CTBP1: variants seen among roughly 807,000 people sequenced by gnomAD.
CTBP1 encodes C-terminal-binding protein 1.
In CTBP1, 11 loss-of-function variants were observed where a neutral mutation model predicts 42.1. The ratio of observed to expected loss-of-function variants is 0.26; its 90% confidence interval spans 0.16 to 0.43. The LOEUF (loss-of-function observed/expected upper bound fraction) is 0.43, where lower values mean the gene tolerates loss of function less well. Ranked by LOEUF, CTBP1 falls within the 20% of genes least tolerant of loss-of-function variation. CTBP1 has a pLI of 1.00. For missense variants in CTBP1, 399 were observed against 624.3 expected (o/e 0.64, Z 3.85); for synonymous variants, 324 against 277.1 (o/e 1.17, Z -1.68).
intron 5 of CTBP1, chr4:1,221,852 A>G (rs1729773551): frequency 2.4e-6 from 1 of 425,428 alleles, no homozygotes; most frequent in Non-Finnish European, 4.7e-6. Flanking sequence ...AAGACAGTGC[A>G]TTTTTCAGAA....
At chr4:1,244,099 C>G in intron 1 of CTBP1, 1 of 985,432 alleles carries the variant, frequency 1.0e-6, no homozygotes, top group Non-Finnish European at 1.2e-6. Flanking sequence ...TCCCGGGGGG[C>G]TGCACGGTGG....
At chr4:1,213,866 G>C in intron 7 of CTBP1, 1 of 492,550 alleles carries the variant, frequency 2.0e-6, no homozygotes, top group Non-Finnish European at 3.6e-6. Context: ...GCCCTGATGG[G>C]GGGACATGCT....
At chr4:1,214,194 G>A (rs539620701) in intron 7 of CTBP1, 149 bp downstream of exon 7, 66 of 1,061,890 alleles carry the variant, frequency 6.2e-5, no homozygotes, top group Middle Eastern at 3.2e-4. Flanking sequence ...TCCTCACCCC[G>A]CAGCGGGCGG....
intron 1 of CTBP1, chr4:1,241,785 C>T (rs868039601): frequency 2.4e-5 from 28 of 1,185,572 alleles, no homozygotes; most frequent in Middle Eastern, 3.8e-4. Flanking sequence ...GGGAACAGTC[C>T]CCCAGGGCTG....
At position 1,238,245 on chromosome 4, in the gene CTBP1, G is replaced by T; in HGVS notation, c.100C>A (p.Leu34Met). 6.2e-7 allele frequency: 1 copy of T among 1,612,720 alleles called. No homozygotes were observed. The highest frequency in any genetic ancestry group is 1.6e-4 in the Middle Eastern group (1 of 6,062). ...AAGGCCACAGTGGCCACGTCCTTCA[G>T]GATGGGCATCTCCACTGTGCAGTCC... ...GRDCTVEMPILKDVATVAFCD... is the reference protein window; with the variant it reads ...GRDCTVEMPIMKDVATVAFCD... Residue 34 changes from leucine (L) to methionine (M), a missense_variant, in exon 3 of 10, where the codon CTG (leucine) becomes ATG (methionine). By Grantham distance (15) the Leu-to-Met change is conservative. Coordinates refer to ENST00000382952, the MANE Select transcript of CTBP1 (RefSeq NM_001012614.2). The surrounding 1 kb of genome is among the most constrained non-coding windows in gnomAD (Gnocchi z 5.9).
At chr4:1,213,751 G>A in intron 7 of CTBP1, 146 bp from the exon 8 acceptor site, 1 of 1,073,522 alleles carries the variant, frequency 9.3e-7, no homozygotes, top group Non-Finnish European at 1.3e-6. Context: ...CAGGCTGGCT[G>A]AGCTCAAGAG....
In CTBP1 at chr4:1,248,983, G is replaced by C. The variant is rs773995411; in HGVS notation, c.-256C>G. 897 of 979,550 alleles carry C rather than the reference G, an allele frequency of 9.2e-4. 2 individuals carry two copies. The highest frequency in any genetic ancestry group is 9.3e-4 in the Non-Finnish European group (769 of 825,474). 60.7% of individuals were successfully genotyped at this position (979,550 alleles called of 1,614,324 possible). A position where few individuals can be genotyped will look rare whatever the true frequency, so the allele number is the denominator to read the frequency against. The stretch of plus-strand genomic sequence containing the variant: ...AGAGGCGCGAGCGGCCGCGGGCCCC[G>C]ACCACTCCGGCGCGCTGCGCCGCCG... On this transcript the variant is annotated 5_prime_UTR_variant, in exon 1 of 10. Coordinates refer to ENST00000382952, the MANE Select transcript of CTBP1 (RefSeq NM_001012614.2).
intron 1 of CTBP1, chr4:1,245,730 T>G (rs188494154): frequency 1.0e-6 from 1 of 963,628 alleles, no homozygotes; most frequent in Non-Finnish European, 1.2e-6. Context: ...CAGGTCAGGG[T>G]GGCACGTGTG....
chr4:1,224,180 C>A (rs1315004454), intron 5 of CTBP1, among the ~76,000 whole-genome samples: 2 of 152,198 alleles, frequency 1.3e-5, no homozygotes, highest in Admixed American at 1.3e-4. Flanking sequence ...CGTACGTGCC[C>A]ATGACTGACA....
intron 1 of CTBP1, among the ~76,000 whole-genome samples, chr4:1,248,476 C>G (rs1371747606): frequency 6.6e-6 from 1 of 150,656 alleles, no homozygotes; most frequent in Non-Finnish European, 1.5e-5. Flanking sequence ...CCAGGACACC[C>G]CGAGCTGCGC....
rs112887411 is a variant in CTBP1, at chr4:1,240,179, G to A, written c.7+1146C>T. Among the ~76,000 whole-genome samples the A allele has an allele frequency of 1.9e-4, 26 of 136,270 alleles. 1 individual carries two copies. In the East Asian group the frequency reaches 4.0e-3, roughly 21 times the overall value. The allele number at this position is 136,270 out of a possible 152,430, so 89.4% of individuals were successfully genotyped here. On this transcript the variant is annotated intron_variant, in intron 2 of 9. Coordinates refer to ENST00000382952, the MANE Select transcript of CTBP1 (RefSeq NM_001012614.2). ...GAACCGGGTCCCTCGTCAGAACCGC[G>A]TGGGGGACTCCCGGGTGCTGGGTGA...
At chr4:1,245,147 C>T in intron 1 of CTBP1, 1 of 985,462 alleles carries the variant, frequency 1.0e-6, no homozygotes, top group African/African-American at 1.7e-5. Flanking sequence ...CATCCACGAG[C>T]CGATACGGCA....
rs531182243 is a variant in CTBP1 at position 1,238,047 on chromosome 4, C to T, written c.162+136G>A. On this transcript the variant is annotated intron_variant, in intron 3 of 9. Coordinates refer to ENST00000382952, the MANE Select transcript of CTBP1 (RefSeq NM_001012614.2). The surrounding 1 kb of genome is among the most constrained non-coding windows in gnomAD (Gnocchi z 5.9). ...ACCCCGTGTCCACCTCCTGACGGCG[C>T]GGGACGACTGGGACAGAGGCTGCTC... 4.8e-5 allele frequency: 57 copies of T among 1,186,936 alleles called. No homozygotes were observed. The highest frequency in any genetic ancestry group is 4.3e-4 in the African/African-American group (29 of 66,928). The allele number at this position is 1,186,936 out of a possible 1,614,324, so 73.5% of individuals were successfully genotyped here.
intron 3 of CTBP1, chr4:1,237,284 A>G (rs1218086236): frequency 5.0e-5 from 29 of 576,552 alleles, no homozygotes; most frequent in African/African-American, 4.9e-4. Context: ...GGGCTCAGGG[A>G]AAACCCGGTG....
chr4:1,227,837 CTG>C (rs1478787353), intron 4 of CTBP1, among the ~76,000 whole-genome samples: 1 of 152,236 alleles, frequency 6.6e-6, no homozygotes, highest in Non-Finnish European at 1.5e-5. Flanking sequence ...GCTGTTCCCG[CTG>C]TGTCTCGGGA....
At position 1,233,913 on chromosome 4, in the gene CTBP1, T is replaced by G. The variant is rs925083394; in HGVS notation, c.162+4270A>C. On this transcript the variant is annotated intron_variant, in intron 3 of 9. Transcript: ENST00000382952. This position sits in a 1 kb window ranked among gnomAD's most constrained non-coding sequence, Gnocchi z 4.6. ...CGCCAAAGCCTGGAGACAGGGAGCCTGCGGCCCCGCTGCCCTCTCCACAGC... is the reference window on the plus strand; with the variant it reads ...CGCCAAAGCCTGGAGACAGGGAGCCGGCGGCCCCGCTGCCCTCTCCACAGC... Among the ~76,000 whole-genome samples the G allele has an allele frequency of 3.3e-5, 5 of 152,168 alleles. No individual in the cohort carries two copies. Among genetic ancestry groups the G allele is most frequent in the South Asian group, 4.1e-4 (2 of 4,836 alleles).
intron 4 of CTBP1, among the ~76,000 whole-genome samples, chr4:1,226,308 G>A (rs1427017522): frequency 1.3e-5 from 2 of 152,114 alleles, no homozygotes; most frequent in Non-Finnish European, 2.9e-5. Context: ...CCATCCGGAT[G>A]ATTGCATTCC....
rs186090455 is a variant in CTBP1, at chr4:1,216,183, C to T, written c.537G>A (p.Ala179=). Residue 179 remains alanine (A), a synonymous_variant, in exon 6 of 10, where the codon GCG becomes GCA. Transcript: ENST00000382952. ...TGAAGCCGAAGGCCTTGGCCCGCAG[C>T]GCCACTGCCTGCCCCACGCGACCTG... is the stretch of plus-strand genomic sequence containing the variant. The part of the protein sequence containing the change: ...IGLGRVGQAV[A]LRAKAFGFNV... 54 of 1,610,452 alleles carry T rather than the reference C, an allele frequency of 3.4e-5. No individual in the cohort carries two copies. The highest frequency in any genetic ancestry group is 1.2e-4 in the Admixed American group (7 of 59,996).
chr4:1,212,121 C>T lies in CTBP1; in HGVS notation c.*119G>A. ...AGCGCTGCCCCCTCCCGCCTCCTGA[C>T]AGCCCGGACCAGTCTCTGCAGTGCC... On this transcript the variant is annotated 3_prime_UTR_variant, in exon 10 of 10. Transcript: ENST00000382952. The T allele has an allele frequency of 2.3e-6, 2 of 868,508 alleles. No individual in the cohort carries two copies. Among genetic ancestry groups the T allele is most frequent in the Non-Finnish European group, 3.2e-6 (2 of 623,232 alleles). The allele number at this position is 868,508 out of a possible 1,614,324, so 53.8% of individuals were successfully genotyped here.
Sources: gnomAD v4.1 joint callset for allele counts (sites outside exome capture counted in the v4.1 genomes callset) on GRCh38, gnomAD v4.1.1 for gene constraint, Gnocchi (gnomAD v3.1) non-coding constraint, MANE v1.5 for transcripts, NCBI Gene and HGNC (gene_info 2026-07-23, HGNC 2026-07-21) for gene names.